Variants in PRKCB observed in about 807,000 individuals in gnomAD.
PRKCB encodes protein kinase C beta, also known as protein kinase C beta type.
In PRKCB, 13 loss-of-function variants were observed where a neutral mutation model predicts 81.5. That is an observed-to-expected ratio of 0.16 (90% confidence interval 0.10 to 0.25). The LOEUF (loss-of-function observed/expected upper bound fraction) is 0.25, where lower values mean the gene tolerates loss of function less well. PRKCB is among the 10% of genes least tolerant of loss of function. PRKCB has a pLI of 1.00. For synonymous variants in PRKCB, 335 were observed against 321.4 expected (o/e 1.04, Z -0.45); for missense variants, 509 against 875.7 (o/e 0.58, Z 5.29).
At chr16:24,021,020 CTTTCTT>C (rs1965362856) in intron 3 of PRKCB, among the ~76,000 whole-genome samples, 1 of 133,428 alleles carries the variant, frequency 7.5e-6, no homozygotes, top group Admixed American at 7.4e-5. Flanking sequence ...TTCTTTCTTT[CTTTCTT>C]TCTTTCTTTC....
At chr16:24,187,624 T>A (rs1226599596) in intron 15 of PRKCB, among the ~76,000 whole-genome samples, 1 of 152,348 alleles carries the variant, frequency 6.6e-6, no homozygotes, top group East Asian at 1.9e-4. Flanking sequence ...TTTGCAAATC[T>A]TGACCCTTCT....
At chr16:24,201,622 C>T (rs1967958548) in intron 16 of PRKCB, among the ~76,000 whole-genome samples, 1 of 152,186 alleles carries the variant, frequency 6.6e-6, no homozygotes, top group African/African-American at 2.4e-5. Context: ...GCCTGGGTCA[C>T]CAGCCCCTCT....
intron 9 of PRKCB, among the ~76,000 whole-genome samples, chr16:24,136,371 C>T (rs192161522): frequency 3.3e-5 from 5 of 152,174 alleles, no homozygotes; most frequent in African/African-American, 7.2e-5. Flanking sequence ...GTGAGTAAAG[C>T]GGGTATTTGC....
At chr16:23,922,815 A>T (rs1963844536) in intron 2 of PRKCB, among the ~76,000 whole-genome samples, 1 of 152,150 alleles carries the variant, frequency 6.6e-6, no homozygotes, top group Non-Finnish European at 1.5e-5. Context: ...TTTGATTTAT[A>T]ATTATGGCTT....
intron 7 of PRKCB, chr16:24,098,543 A>G (rs2141905494): frequency 6.6e-6 from 1 of 152,306 alleles, no homozygotes; most frequent in East Asian, 1.9e-4. Flanking sequence ...TGAGGTCAGG[A>G]GTTTGAGACG....
intron 7 of PRKCB, among the ~76,000 whole-genome samples, chr16:24,097,869 A>G (rs1966463191): frequency 6.6e-6 from 1 of 152,216 alleles, no homozygotes; most frequent in Non-Finnish European, 1.5e-5. Context: ...TCTGGGTTAC[A>G]TAAGGAGTTG....
chr16:24,202,799 C>T (rs1254408933), intron 16 of PRKCB, among the ~76,000 whole-genome samples: 2 of 152,270 alleles, frequency 1.3e-5, no homozygotes, highest in East Asian at 3.9e-4. Flanking sequence ...TCCTAGTTTC[C>T]TATATAAGTG....
In PRKCB at chr16:24,215,938, A is replaced by G. The variant is rs1968220494; in HGVS notation, c.*1122A>G. The G allele has an allele frequency of 1.0e-6, 1 of 984,766 alleles. No individual in the cohort carries two copies. Among genetic ancestry groups the G allele is most frequent in the Non-Finnish European group, 1.2e-6 (1 of 829,818 alleles). The allele number at this position is 984,766 out of a possible 1,614,324, so 61.0% of individuals were successfully genotyped here. A position where few individuals can be genotyped will look rare whatever the true frequency, so the allele number is the denominator to read the frequency against. ...GATGTTTGTGGAAATGTTCATTTGT[A>G]TCTGGATCTCTGTTATGTGCCATTT... On this transcript the variant is annotated 3_prime_UTR_variant, in exon 17 of 17. Coordinates refer to ENST00000643927, the MANE Select transcript of PRKCB (RefSeq NM_002738.7).
intron 2 of PRKCB, among the ~76,000 whole-genome samples, chr16:23,915,093 G>A (rs1160571605): frequency 6.6e-6 from 1 of 152,164 alleles, no homozygotes; most frequent in Admixed American, 6.5e-5. Context: ...GGTGCAGTTG[G>A]CAGCCTCTCC....
intron 2 of PRKCB, among the ~76,000 whole-genome samples, chr16:23,949,696 T>G (rs1393277082): frequency 6.6e-6 from 1 of 152,210 alleles, no homozygotes; most frequent in Non-Finnish European, 1.5e-5. Flanking sequence ...TCATAGAGTT[T>G]CCAATTTAGT....
chr16:23,979,147 A>G (rs959773718), intron 2 of PRKCB, among the ~76,000 whole-genome samples: 1 of 152,176 alleles, frequency 6.6e-6, no homozygotes, highest in African/African-American at 2.4e-5. Context: ...TAACAACTCT[A>G]TGAGGAAAGT....
chr16:23,843,499 T>A (rs1962303728), intron 2 of PRKCB, among the ~76,000 whole-genome samples: 1 of 152,094 alleles, frequency 6.6e-6, no homozygotes, highest in South Asian at 2.1e-4. Context: ...GAAATAAGAA[T>A]CTTTGAGTGG....
rs1267529896 is a variant in PRKCB at position 23,980,273 on chromosome 16, C to T, written c.206-8235C>T. Among the ~76,000 whole-genome samples, 3 of 152,206 alleles carry T rather than the reference C, an allele frequency of 2.0e-5. No individual in the cohort carries two copies. The East Asian group carries it at 5.8e-4, about 29-fold the overall frequency. On this transcript the variant is annotated intron_variant, in intron 2 of 16. Transcript: ENST00000643927. ...AACTTTCTGTCTTTGATCATGGAAA[C>T]AGTTCGGGAAATTGCCTGGGGGAAC...
chr16:23,982,297 TCCCTTCCCTTTCCCTTCCCTTTCCCTTC>T, intron 2 of PRKCB, among the ~76,000 whole-genome samples: 1 of 81,720 alleles, frequency 1.2e-5, no homozygotes, highest in Non-Finnish European at 2.4e-5. Context: ...CCCTTCCCCT[TCCCTTCCCTTTCCCTTCCCTTTCCCTTC>T]CCCTTCCCTT....
chr16:23,993,777 TACA>T (rs1964920467), intron 3 of PRKCB, among the ~76,000 whole-genome samples: 1 of 152,186 alleles, frequency 6.6e-6, no homozygotes, highest in South Asian at 2.1e-4. Context: ...ATCGCAGAGT[TACA>T]ACAACAATCG....
chr16:23,875,483 A>T (rs1437371857), intron 2 of PRKCB, among the ~76,000 whole-genome samples: 2 of 4,696 alleles, frequency 4.3e-4, no homozygotes, highest in African/African-American at 1.5e-3. Flanking sequence ...CTAAAAAGAT[A>T]TATATATATA....
intron 7 of PRKCB, 46 bp from the exon 8 acceptor site, chr16:24,112,927 C>A: frequency 1.5e-6 from 2 of 1,301,560 alleles, no homozygotes; most frequent in South Asian, 1.3e-5. Flanking sequence ...TAAAATAATA[C>A]CGAGTCGAGT....
Position 23,871,662 on chromosome 16 carries a change from G to C in PRKCB, c.205+34256G>C, listed in dbSNP as rs150044597. Among the ~76,000 whole-genome samples, 418 of 151,972 alleles carry C rather than the reference G, an allele frequency of 2.8e-3. 10 individuals carry two copies. The East Asian group carries it at 0.053, about 19-fold the overall frequency. On this transcript the variant is annotated intron_variant, in intron 2 of 16. Transcript: ENST00000643927. ...GCACAATCTCGGCTCACTGCAACCT[G>C]TGCCTCCTGGGTTCAGGTGATTCTC...
rs182785124 is a variant in PRKCB at position 23,990,086 on chromosome 16, G to A, written c.288+1496G>A. ...GCAGAGTGGAAAACTTAAAAGAACC[G>A]TGGGTCCATGATGATGCTGATGAGC... On this transcript the variant is annotated intron_variant, in intron 3 of 16. Transcript: ENST00000643927. Among the ~76,000 whole-genome samples the A allele has an allele frequency of 1.3e-4, 20 of 152,260 alleles. No homozygotes were observed. The East Asian group carries it at 1.7e-3, about 13-fold the overall frequency.
Sources: allele counts gnomAD v4.1 joint callset (sites outside exome capture counted in the v4.1 genomes callset), GRCh38; gene constraint gnomAD v4.1.1; transcripts MANE v1.5; gene names NCBI Gene and HGNC (gene_info 2026-07-23, HGNC 2026-07-21).